The following NLRP12 variants were observed in gnomAD, a reference collection of about 807,000 sequenced individuals.
The protein encoded by NLRP12 is NACHT, LRR and PYD domains-containing protein 12.
A neutral mutation model predicts 91.2 loss-of-function variants in NLRP12; 108 were observed. The observed-to-expected ratio is 1.18, with a 90% CI of 1.01 to 1.39. The LOEUF is 1.39. Among genes scored for constraint, NLRP12 ranks in the 40% most tolerant of loss-of-function variants. NLRP12 has a pLI of 0.00. For missense variants in NLRP12, 1,530 were observed against 1,352.7 expected, an observed-to-expected ratio of 1.13 and a Z score of -2.06; for synonymous variants, 613 against 566.7, an observed-to-expected ratio of 1.08 and a Z score of -1.16.
chr19:53,802,602 G>C (rs558953593), intron 6 of NLRP12, among the ~76,000 whole-genome samples: 12 of 151,878 alleles, frequency 7.9e-5, no homozygotes, highest in African/African-American at 2.9e-4. Context: ...AGCTACTAGG[G>C]AGGTCGAGGC....
downstream of NLRP12, chr19:53,793,733 C>T (rs930668522): frequency 5.7e-5 from 23 of 402,414 alleles, no homozygotes; most frequent in Admixed American, 1.4e-4. Flanking sequence ...TACAGGTGCC[C>T]GCCACCATGC....
chr19:53,822,354 A>G (rs1295646498), intron 1 of NLRP12, among the ~76,000 whole-genome samples: 1 of 152,086 alleles, frequency 6.6e-6, no homozygotes, highest in African/African-American at 2.4e-5. Context: ...GTGGTCATTC[A>G]TGCCTGTAAT....
At chr19:53,809,164 T>TGCA (rs2092010420) in intron 3 of NLRP12, among the ~76,000 whole-genome samples, 1 of 148,438 alleles carries the variant, frequency 6.7e-6, no homozygotes, top group East Asian at 2.0e-4. Flanking sequence ...AGGCAGAGGC[T>TGCA]GCAGTGAGCC....
At chr19:53,821,226 C>G (rs964576376) in intron 1 of NLRP12, among the ~76,000 whole-genome samples, 1 of 151,578 alleles carries the variant, frequency 6.6e-6, no homozygotes, top group Non-Finnish European at 1.5e-5. Flanking sequence ...TTAGTAGAGA[C>G]AGGGTTTCAC....
Position 53,809,714 on chromosome 19 carries a change from C to T in NLRP12, c.1945G>A (p.Val649Ile), listed in dbSNP as rs775053446. 1 of 1,614,092 alleles carries T rather than the reference C, an allele frequency of 6.2e-7. No homozygotes were observed. Residue 649 changes from valine (V) to isoleucine (I), a missense_variant, in exon 3 of 10, where the codon GTC becomes ATC. Transcript: ENST00000324134. ...SNIASKMEHMVSSFCLKRCRS... is the reference protein window; with the variant it reads ...SNIASKMEHMISSFCLKRCRS... The stretch of plus-strand genomic sequence containing the variant: ...CAGCGCTTCAGACAGAACGAGGAGA[C>T]CATGTGCTCCATCTTGGAGGCAATG...
chr19:53,808,240 T>TA (rs2091994857), intron 3 of NLRP12: 1 of 183,964 alleles, frequency 5.4e-6, no homozygotes, highest in African/African-American at 2.4e-5. Flanking sequence ...TTTATATTTT[T>TA]AGAGATGGGG....
rs104895565 is a variant in NLRP12 at position 53,809,584 on chromosome 19, T to TAA, written c.2072+2_2072+3insTT. The TAA allele has an allele frequency of 2.2e-5, 35 of 1,604,598 alleles. No individual in the cohort carries two copies. The East Asian group carries it at 4.0e-4, about 19-fold the overall frequency. ...CCCCAGGGGATACCCCAGGGATACT[T>TAA]ACAGCTGCACCAACAGCGTGTGCGC... is the stretch of plus-strand genomic sequence containing the variant. On this transcript the variant is annotated splice_region_variant and intron_variant, in intron 3 of 9. Coordinates refer to ENST00000324134, the MANE Select transcript of NLRP12 (RefSeq NM_144687.4).
chr19:53,794,738 C>T (rs113260680), intron 9 of NLRP12, among the ~76,000 whole-genome samples: 7,950 of 150,972 alleles, frequency 0.053, 303 homozygotes, highest in South Asian at 0.18. Flanking sequence ...ATGATCTCAG[C>T]TCACTGCAAC....
At position 53,795,957 on chromosome 19, in the gene NLRP12, C is replaced by A; in HGVS notation, c.3000G>T (p.Leu1000Phe). 1.2e-6 allele frequency: 2 copies of A among 1,614,114 alleles called. No individual in the cohort carries two copies. Among genetic ancestry groups the A allele is most frequent in the South Asian group, 2.2e-5 (2 of 91,070 alleles). Residue 1000 changes from leucine to phenylalanine, a missense_variant, in exon 9 of 10, where the codon TTG (leucine) becomes TTT (phenylalanine). Coordinates refer to ENST00000324134, the MANE Select transcript of NLRP12 (RefSeq NM_144687.4). Reference protein sequence around the residue: ...LYFTLGINQTLTDLYLTNNAL... With the variant: ...LYFTLGINQTFTDLYLTNNAL... ...CGTTGTTGGTCAGGTAAAGGTCGGT[C>A]AAGGTCTGGTTGATCCCCAGGGTGA...
At chr19:53,823,813 G>A in intron 1 of NLRP12, 73 bp downstream of exon 1, 2 of 1,553,668 alleles carry the variant, frequency 1.3e-6, no homozygotes, top group South Asian at 2.2e-5. Flanking sequence ...GCCTCCCAAA[G>A]TGCTGAGATT....
intron 1 of NLRP12, among the ~76,000 whole-genome samples, chr19:53,820,105 A>G (rs537013202): frequency 5.3e-4 from 80 of 152,220 alleles, no homozygotes; most frequent in African/African-American, 1.9e-3. Context: ...AATGTTCACC[A>G]AAGTTTGCTC....
In NLRP12 at chr19:53,814,960, A is replaced by C. The variant is rs2092134647; in HGVS notation, c.318T>G (p.Leu106=). The C allele has an allele frequency of 1.2e-6, 2 of 1,614,082 alleles. No homozygotes were observed. The highest frequency in any genetic ancestry group is 1.7e-6 in the Non-Finnish European group (2 of 1,179,972). Residue 106 remains leucine, a synonymous_variant, in exon 2 of 10, where the codon CTT becomes CTG. Transcript: ENST00000324134. ...CCAGAAGGCATGTTGACTGGTTCCC[A>C]AGTGAGGACGGGCCACCAGGTGGGG... ...RDTPPGGPSS[L]GNQSTCLLEV... is the part of the protein sequence containing the mutation.
At position 53,819,529 on chromosome 19, in the gene NLRP12, GTGTATGTATACGTATATATA is replaced by G. The variant is rs1315443411; in HGVS notation, c.289+4337_289+4356del. Among the ~76,000 whole-genome samples, 4 of 28,300 alleles carry G rather than the reference GTGTATGTATACGTATATATA, an allele frequency of 1.4e-4. 1 individual carries two copies. Among genetic ancestry groups the G allele is most frequent in the African/African-American group, 6.3e-4 (4 of 6,376 alleles). The allele number at this position is 28,300 out of a possible 152,430, so 18.6% of individuals were successfully genotyped here. A position where few individuals can be genotyped will look rare whatever the true frequency, so the allele number is the denominator to read the frequency against. On this transcript the variant is annotated intron_variant, in intron 1 of 9. Transcript: ENST00000324134. ...TATGTATACATATGTGTATATATGT[GTGTATGTATACGTATATATA>G]TGTATGTATACGTATATATATGCGT... is the stretch of plus-strand genomic sequence containing the variant.
At chr19:53,794,186 A>AT in intron 9 of NLRP12, 50 bp from the exon 10 acceptor site, 2 of 1,213,502 alleles carry the variant, frequency 1.6e-6, no homozygotes, top group Non-Finnish European at 2.5e-6. Flanking sequence ...GTGGCATTCA[A>AT]TTAATAAGCC....
chr19:53,813,043 G>A (rs2092101243), intron 2 of NLRP12, among the ~76,000 whole-genome samples: 1 of 151,538 alleles, frequency 6.6e-6, no homozygotes, highest in South Asian at 2.1e-4. Flanking sequence ...ACCACACCCA[G>A]CTGATTTTTG....
At chr19:53,801,872 C>T (rs2091881182) in intron 6 of NLRP12, among the ~76,000 whole-genome samples, 1 of 152,008 alleles carries the variant, frequency 6.6e-6, no homozygotes, top group Non-Finnish European at 1.5e-5. Flanking sequence ...GCTGGCAGAT[C>T]ACCTGAGGTC....
intron 8 of NLRP12, among the ~76,000 whole-genome samples, chr19:53,797,483 G>C (rs1033357265): frequency 6.6e-6 from 1 of 151,952 alleles, no homozygotes; most frequent in Non-Finnish European, 1.5e-5. Flanking sequence ...GCAGTGGCAT[G>C]ATCTCAGCTC....
At chr19:53,822,870 C>A (rs142475020) in intron 1 of NLRP12, among the ~76,000 whole-genome samples, 5,933 of 151,868 alleles carry the variant, frequency 0.039, 148 homozygotes, top group South Asian at 0.096. Flanking sequence ...CAGGTTCAAG[C>A]GATTCTCCTG....
chr19:53,813,936 G>T (rs2092119118), intron 2 of NLRP12, among the ~76,000 whole-genome samples: 1 of 151,708 alleles, frequency 6.6e-6, no homozygotes, highest in South Asian at 2.1e-4. Flanking sequence ...CTCCCAAAGT[G>T]CAGGGATTAC....
Sources: gnomAD v4.1 joint callset for allele counts (sites outside exome capture counted in the v4.1 genomes callset) on GRCh38, gnomAD v4.1.1 for gene constraint, MANE v1.5 for transcripts, NCBI Gene and HGNC (gene_info 2026-07-23, HGNC 2026-07-21) for gene names.